Variants in PRICKLE1 observed in about 807,000 individuals in gnomAD.
The protein encoded by PRICKLE1 is prickle planar cell polarity protein 1.
Under a neutral mutation model 70.2 loss-of-function variants are expected in PRICKLE1, and 14 were observed. That is an observed-to-expected ratio of 0.20 (90% CI 0.13 to 0.31). PRICKLE1 has a LOEUF of 0.31. Ranked by LOEUF, PRICKLE1 falls within the 10% of genes least tolerant of loss-of-function variation. The pLI, the probability that PRICKLE1 is intolerant of heterozygous loss-of-function variation, is 1.00. For missense variants in PRICKLE1, 821 were observed against 1,026.2 expected, an observed-to-expected ratio of 0.80 and a Z score of 2.73; for synonymous variants, 357 against 379.9, an observed-to-expected ratio of 0.94 and a Z score of 0.70.
chr12:42,521,071 T>C (rs561272184), intron 1 of PRICKLE1, among the ~76,000 whole-genome samples: 1 of 152,146 alleles, frequency 6.6e-6, no homozygotes, highest in South Asian at 2.1e-4. Flanking sequence ...CTCAGGAGGT[T>C]GAGGCAGGAG....
intron 1 of PRICKLE1, chr12:42,484,113 G>T (rs1214554929): frequency 3.5e-5 from 4 of 115,350 alleles, no homozygotes; most frequent in African/African-American, 1.4e-4. Context: ...CCCCGCTCCC[G>T]CCCGCGGGCG....
intron 1 of PRICKLE1, among the ~76,000 whole-genome samples, chr12:42,528,661 A>G (rs1358764695): frequency 1.3e-5 from 2 of 152,236 alleles, no homozygotes; most frequent in African/African-American, 2.4e-5. Flanking sequence ...AGAATTTTTC[A>G]TATTCTGTCA....
intron 1 of PRICKLE1, among the ~76,000 whole-genome samples, chr12:42,553,911 T>C (rs532022290): frequency 1.3e-5 from 2 of 152,194 alleles, no homozygotes; most frequent in Non-Finnish European, 2.9e-5. Context: ...GAGACCAGCC[T>C]GGCCAACACA....
chr12:42,457,721 G>A lies in PRICKLE1; in HGVS notation c.*2088C>T, dbSNP rs1215703758. The A allele has an allele frequency of 1.3e-5, 2 of 152,194 alleles. No homozygotes were observed. The highest frequency in any genetic ancestry group is 6.5e-5 in the Admixed American group (1 of 15,278). 9.4% of individuals were successfully genotyped at this position (152,194 alleles called of 1,614,324 possible). A position where few individuals can be genotyped will look rare whatever the true frequency, so the allele number is the denominator to read the frequency against. Reference sequence around the variant, plus strand: ...AATGGGTAGACCTATATGCACTAACGTGAAATGTCCACATACAAAGGGAAA... The same window carrying A: ...AATGGGTAGACCTATATGCACTAACATGAAATGTCCACATACAAAGGGAAA... On this transcript the variant is annotated 3_prime_UTR_variant, in exon 8 of 8. Transcript: ENST00000345127.
chr12:42,561,975 G>A (rs1336964840), intron 1 of PRICKLE1, among the ~76,000 whole-genome samples: 1 of 136,436 alleles, frequency 7.3e-6, no homozygotes, highest in Non-Finnish European at 1.5e-5. Flanking sequence ...GCAGTGGCAC[G>A]ATCTCGGCTC....
chr12:42,539,017 A>G (rs1264745986), intron 1 of PRICKLE1, among the ~76,000 whole-genome samples: 5 of 152,348 alleles, frequency 3.3e-5, no homozygotes, highest in African/African-American at 1.2e-4. Flanking sequence ...TGAATTTTAA[A>G]TTTTAATATA....
intron 1 of PRICKLE1, chr12:42,485,606 T>A (rs1938973541): frequency 6.6e-6 from 1 of 152,116 alleles, no homozygotes. Context: ...ATAGGAGAAA[T>A]GCGCAATCAA....
intron 1 of PRICKLE1, among the ~76,000 whole-genome samples, chr12:42,507,492 A>G (rs772222202): frequency 6.6e-6 from 1 of 152,238 alleles, no homozygotes; most frequent in South Asian, 2.1e-4. Context: ...TCACAATTGT[A>G]TCTCTTGCTC....
intron 1 of PRICKLE1, among the ~76,000 whole-genome samples, chr12:42,496,568 G>A (rs73275847): frequency 0.053 from 8,074 of 152,272 alleles, 617 homozygotes; most frequent in African/African-American, 0.16. Context: ...TCGTCTTCCA[G>A]TATAGGAACT....
chr12:42,576,378 CA>C (rs1307937018), intron 1 of PRICKLE1, among the ~76,000 whole-genome samples: 8 of 152,206 alleles, frequency 5.3e-5, no homozygotes, highest in African/African-American at 1.9e-4. Context: ...AGCATCTCTG[CA>C]AAAGTGTGTC....
chr12:42,520,543 T>C (rs1447925185), intron 1 of PRICKLE1, among the ~76,000 whole-genome samples: 2 of 152,224 alleles, frequency 1.3e-5, no homozygotes, highest in African/African-American at 4.8e-5. Context: ...GACAGAGCTT[T>C]GCACAGTGGG....
intron 1 of PRICKLE1, among the ~76,000 whole-genome samples, chr12:42,576,464 C>G (rs1191706675): frequency 6.6e-6 from 1 of 152,214 alleles, no homozygotes; most frequent in African/African-American, 2.4e-5. Flanking sequence ...CTCTAACAGT[C>G]TGCTGAGAAG....
chr12:42,582,028 G>T (rs1292567093), intron 1 of PRICKLE1, among the ~76,000 whole-genome samples: 1 of 152,142 alleles, frequency 6.6e-6, no homozygotes, highest in East Asian at 1.9e-4. Flanking sequence ...AATTCAGAAG[G>T]TTAAAAAAAA....
At chr12:42,514,901 CTATCT>C (rs1462569558) in intron 1 of PRICKLE1, among the ~76,000 whole-genome samples, 14 of 73,964 alleles carry the variant, frequency 1.9e-4, no homozygotes, top group Admixed American at 5.9e-4. Flanking sequence ...ATCTATCTAT[CTATCT>C]ATCTATCTAT....
chr12:42,461,615 C>T (rs1937840189), intron 7 of PRICKLE1, among the ~76,000 whole-genome samples: 1 of 152,244 alleles, frequency 6.6e-6, no homozygotes, highest in Non-Finnish European at 1.5e-5. Flanking sequence ...TGACCTAGAT[C>T]TTCATCCAGT....
intron 1 of PRICKLE1, among the ~76,000 whole-genome samples, chr12:42,479,002 G>A (rs1336177542): frequency 6.6e-6 from 1 of 152,182 alleles, no homozygotes; most frequent in Non-Finnish European, 1.5e-5. Context: ...TGGTCCTGAT[G>A]TCTTCAAAGC....
intron 1 of PRICKLE1, among the ~76,000 whole-genome samples, chr12:42,559,794 A>G (rs1940475920): frequency 6.6e-6 from 1 of 151,352 alleles, no homozygotes. Flanking sequence ...CAACTGACCT[A>G]CCCCTTGGCT....
In PRICKLE1 at chr12:42,459,806, T is replaced by C. The variant is rs567492165; in HGVS notation, c.*3A>G. On this transcript the variant is annotated 3_prime_UTR_variant, in exon 8 of 8. Transcript: ENST00000345127. The stretch of plus-strand genomic sequence containing the variant: ...TAAACAAATGCTCTGCATCACTACT[T>C]GGTTAAGAAATAATACAATTTTTGC... 9.9e-6 allele frequency: 16 copies of C among 1,614,194 alleles called. 1 individual carries two copies. Among genetic ancestry groups the C allele is most frequent in the African/African-American group, 9.3e-5 (7 of 75,056 alleles).
At chr12:42,544,051 G>T (rs528123764) in intron 1 of PRICKLE1, among the ~76,000 whole-genome samples, 1 of 131,892 alleles carries the variant, frequency 7.6e-6, no homozygotes, top group African/African-American at 2.8e-5. Context: ...ATGTCAAGTA[G>T]GTTGAGAAGA....
Sources: gnomAD v4.1 joint callset for allele counts (sites outside exome capture counted in the v4.1 genomes callset) on GRCh38, gnomAD v4.1.1 for gene constraint, MANE v1.5 for transcripts, NCBI Gene and HGNC (gene_info 2026-07-23, HGNC 2026-07-21) for gene names.